The following KLK14 variants were observed in gnomAD, a reference collection of about 807,000 sequenced individuals.
KLK14 encodes kallikrein-14.
Under a neutral mutation model 24.6 loss-of-function variants are expected in KLK14, and 21 were observed. The observed-to-expected ratio is 0.85, with a 90% CI of 0.61 to 1.23. KLK14 has a LOEUF of 1.23. Ranked by LOEUF, KLK14 falls within the 50% of genes most tolerant of loss-of-function variation. The pLI is 0.00. For missense variants in KLK14, 320 were observed against 338.9 expected, an observed-to-expected ratio of 0.94 and a Z score of 0.44; for synonymous variants, 133 against 139.7, an observed-to-expected ratio of 0.95 and a Z score of 0.34.
Position 51,079,399 on chromosome 19 carries a change from C to G in KLK14, c.466+50G>C, listed in dbSNP as rs768082967. 3 of 1,530,862 alleles carry G rather than the reference C, an allele frequency of 2.0e-6. No individual in the cohort carries two copies. The Admixed American group carries it at 5.8e-5, about 30-fold the overall frequency. 94.8% of individuals were successfully genotyped at this position (1,530,862 alleles called of 1,614,324 possible). ...CCCCCCAGCTCCACCTCCTGGAGACCCAGGAGCCCAGGCCCAGTCCCCTGC... is the reference window on the plus strand; with the variant it reads ...CCCCCCAGCTCCACCTCCTGGAGACGCAGGAGCCCAGGCCCAGTCCCCTGC... On this transcript the variant is annotated intron_variant, in intron 4 of 5. Transcript: ENST00000650543.
At chr19:51,079,769 C>G (rs1046224813) in intron 3 of KLK14, 67 bp from the exon 4 acceptor site, 3 of 1,494,840 alleles carry the variant, frequency 2.0e-6, no homozygotes, top group Non-Finnish European at 2.7e-6. Context: ...CACCCTCCAG[C>G]CCGGTTCCCT....
At position 51,079,590 on chromosome 19, in the gene KLK14, C is replaced by T. The variant is rs1024820222; in HGVS notation, c.325G>A (p.Asp109Asn). The T allele has an allele frequency of 6.8e-6, 11 of 1,613,796 alleles. No individual in the cohort carries two copies. The highest frequency in any genetic ancestry group is 2.2e-5 in the South Asian group (2 of 91,046). ...AGCTGCAGCAGCATGAGGTCGTTGT[C>T]GTGGGTCCGGGAGTTGTAGTTGGGG... is the stretch of plus-strand genomic sequence containing the variant. ...THPNYNSRTH[D>N]NDLMLLQLQQ... Residue 109 changes from aspartate (D) to asparagine (N), a missense_variant, in exon 4 of 6, where the codon GAC (aspartate) becomes AAC (asparagine). Coordinates refer to ENST00000650543, the MANE Select transcript of KLK14 (RefSeq NM_001369775.2).
At position 51,079,508 on chromosome 19, in the gene KLK14, C is replaced by T; in HGVS notation, c.407G>A (p.Cys136Tyr). The T allele has an allele frequency of 6.2e-7, 1 of 1,613,810 alleles. No homozygotes were observed. Among genetic ancestry groups the T allele is most frequent in the East Asian group, 2.2e-5 (1 of 44,878 alleles). ...TCGGCAGGAGGTCCCGGGGCTGGCA[C>T]AGGCCTGGGTGACCTCAATGGGCCT... is the stretch of plus-strand genomic sequence containing the variant. ...AVRPIEVTQA[C>Y]ASPGTSCRVS... is the part of the protein sequence containing the mutation. Residue 136 changes from cysteine to tyrosine, a missense_variant, in exon 4 of 6, where the codon TGT becomes TAT. Physicochemically the swap from Cys to Tyr is radical, Grantham distance 194 (BLOSUM62 -2). Coordinates refer to ENST00000650543, the MANE Select transcript of KLK14 (RefSeq NM_001369775.2).
chr19:51,083,147 T>A (rs2065852302), upstream of KLK14, among the ~76,000 whole-genome samples: 1 of 151,402 alleles, frequency 6.6e-6, no homozygotes, highest in African/African-American at 2.4e-5. Context: ...AGGGGAGGGT[T>A]CCCAGTTGCT....
chr19:51,083,222 G>A (rs145467889), upstream of KLK14, among the ~76,000 whole-genome samples: 1 of 151,094 alleles, frequency 6.6e-6, no homozygotes, highest in African/African-American at 2.4e-5. Context: ...GAAAGGGCAC[G>A]AAGGGGCTGA....
At chr19:51,081,450 G>A in intron 3 of KLK14, 82 bp downstream of exon 3, 1 of 1,298,648 alleles carries the variant, frequency 7.7e-7, no homozygotes. Context: ...GTTCTATACA[G>A]AGATCCAGGT....
Position 51,078,170 on chromosome 19 carries a change from G to A in KLK14, c.604-11C>T, listed in dbSNP as rs773910306. ...TCCCCCAGAGTCACCCTGAGGGGGA[G>A]GAACAGAAATGGAGACACTGATGGA... On this transcript the variant is annotated splice_polypyrimidine_tract_variant and intron_variant, in intron 5 of 5. Coordinates refer to ENST00000650543, the MANE Select transcript of KLK14 (RefSeq NM_001369775.2). The surrounding 1 kb of genome is among the most constrained non-coding windows in gnomAD (Gnocchi z 5.0). The A allele has an allele frequency of 6.2e-7, 1 of 1,612,584 alleles. No individual in the cohort carries two copies. The highest frequency in any genetic ancestry group is 1.1e-5 in the South Asian group (1 of 91,014).
At chr19:51,083,640 GACAGGGA>G (rs2091854383), upstream of KLK14, among the ~76,000 whole-genome samples, 1 of 151,996 alleles carries the variant, frequency 6.6e-6, no homozygotes, top group South Asian at 2.1e-4. Flanking sequence ...AGTTGGATGT[GACAGGGA>G]ACAGAAGAGG....
Position 51,082,841 on chromosome 19 carries a change from G to C in KLK14, c.-142C>G. On this transcript the variant is annotated 5_prime_UTR_variant, in exon 1 of 6. Transcript: ENST00000650543. ...GTGGGAGGATGTGGAGCAGGGCACA[G>C]GTCCCTCCTTGATGTCTTGATGAAG... is the stretch of plus-strand genomic sequence containing the variant. The C allele has an allele frequency of 7.2e-7, 1 of 1,390,702 alleles. No individual in the cohort carries two copies. Among genetic ancestry groups the C allele is most frequent in the Non-Finnish European group, 1.0e-6 (1 of 999,696 alleles). The allele number at this position is 1,390,702 out of a possible 1,614,324, so 86.1% of individuals were successfully genotyped here.
At chr19:51,081,455 C>T in intron 3 of KLK14, 77 bp downstream of exon 3, 1 of 1,322,880 alleles carries the variant, frequency 7.6e-7, no homozygotes, top group South Asian at 1.8e-5. Context: ...ATACAGAGAT[C>T]CAGGTTCTCA....
In KLK14 at chr19:51,078,335, C is replaced by G. The variant is rs1390783769; in HGVS notation, c.604-176G>C. Reference sequence around the variant, plus strand: ...CCCCGGAGGTCGGGGCACTTCCTTCCCTCTCCGCTGGGTCTGGCTCTGTCT... The same window carrying G: ...CCCCGGAGGTCGGGGCACTTCCTTCGCTCTCCGCTGGGTCTGGCTCTGTCT... On this transcript the variant is annotated intron_variant, in intron 5 of 5. Coordinates refer to ENST00000650543, the MANE Select transcript of KLK14 (RefSeq NM_001369775.2). The surrounding 1 kb of genome is among the most constrained non-coding windows in gnomAD (Gnocchi z 5.0). Among the ~76,000 whole-genome samples, 1 of 152,148 alleles carries G rather than the reference C, an allele frequency of 6.6e-6. No individual in the cohort carries two copies. The highest frequency in any genetic ancestry group is 6.5e-5 in the Admixed American group (1 of 15,286).
At chr19:51,080,675 T>G (rs921907245) in intron 3 of KLK14, among the ~76,000 whole-genome samples, 1 of 152,138 alleles carries the variant, frequency 6.6e-6, no homozygotes, top group Non-Finnish European at 1.5e-5. Context: ...TTCTGGGATT[T>G]ATTGATTGAT....
Position 51,078,043 on chromosome 19 carries a change from G to A in KLK14, c.720C>T (p.Tyr240=). 6.2e-7 allele frequency: 1 copy of A among 1,613,960 alleles called. No homozygotes were observed. The change falls in exon 6 of 6, where the codon TAC becomes TAT. Residue 240 remains tyrosine, a synonymous_variant. Transcript: ENST00000650543. The surrounding 1 kb of genome is among the most constrained non-coding windows in gnomAD (Gnocchi z 5.0). ...YPGVYTNLCK[Y]RSWIEETMRD... is the part of the protein sequence containing the mutation. ...GCATCGTTTCCTCAATCCAGCTTCT[G>A]TACTTGCACAGGTTGGTGTAGACAC...
Position 51,078,244 on chromosome 19 carries a change from G to A in KLK14, c.604-85C>T. On this transcript the variant is annotated intron_variant, in intron 5 of 5. Transcript: ENST00000650543. The surrounding 1 kb of genome is among the most constrained non-coding windows in gnomAD (Gnocchi z 5.0). ...ACAGAGAACCCGAGAAGCAGACACA[G>A]GGAGACAGGCAGAGACACTGGTGGA... is the stretch of plus-strand genomic sequence containing the variant. 7.1e-7 allele frequency: 1 copy of A among 1,414,778 alleles called. No homozygotes were observed. Among genetic ancestry groups the A allele is most frequent in the Non-Finnish European group, 9.7e-7 (1 of 1,034,080 alleles). 87.6% of individuals were successfully genotyped at this position (1,414,778 alleles called of 1,614,324 possible).
Position 51,079,652 on chromosome 19 carries a change from G to A in KLK14, c.263C>T (p.Thr88Ile), listed in dbSNP as rs2091827296. Residue 88 changes from threonine to isoleucine, a missense_variant, in exon 4 of 6, where the codon ACC becomes ATC. Thr to Ile is a moderately conservative substitution (Grantham distance 89). Transcript: ENST00000650543. ...ACGAACCACGCGCAGCACCTGCTGGGTGGCCTCCCACCTCCTCAGGTTGTG... is the reference window on the plus strand; with the variant it reads ...ACGAACCACGCGCAGCACCTGCTGGATGGCCTCCCACCTCCTCAGGTTGTG... ...GKHNLRRWEA[T>I]QQVLRVVRQV... 6.3e-7 allele frequency: 1 copy of A among 1,595,952 alleles called. No homozygotes were observed. The highest frequency in any genetic ancestry group is 8.5e-7 in the Non-Finnish European group (1 of 1,171,014).
chr19:51,083,004 G>A, upstream of KLK14: 1 of 567,456 alleles, frequency 1.8e-6, no homozygotes, highest in East Asian at 2.9e-5. Context: ...TCCCATTCCA[G>A]GACTCCCTGA....
intron 2 of KLK14, among the ~76,000 whole-genome samples, chr19:51,082,364 A>G (rs2091845526): frequency 6.6e-6 from 1 of 152,040 alleles, no homozygotes. Context: ...CAGACCTTAT[A>G]AACACCTCTC....
downstream of KLK14, among the ~76,000 whole-genome samples, chr19:51,077,720 C>T (rs1447775685): frequency 8.1e-6 from 1 of 124,192 alleles, no homozygotes; most frequent in African/African-American, 3.3e-5. Context: ...GGGGCCTGGA[C>T]TCCTGGGTCT....
rs541191047 is a variant in KLK14 at position 51,078,867 on chromosome 19, G to A, written c.551C>T (p.Thr184Met). Reference protein sequence around the residue: ...VCQKAYPRTITPGMVCAGVPQ... With the variant: ...VCQKAYPRTIMPGMVCAGVPQ... ...AACTCCTGCACAGACCATGCCAGGC[G>A]TGATGGTTCTAGGATAGGCCTTCTG... Residue 184 changes from threonine (T) to methionine (M), a missense_variant, in exon 5 of 6, where the codon ACG becomes ATG. Coordinates refer to ENST00000650543, the MANE Select transcript of KLK14 (RefSeq NM_001369775.2). The surrounding 1 kb of genome is among the most constrained non-coding windows in gnomAD (Gnocchi z 5.0). 27 of 1,614,090 alleles carry A rather than the reference G, an allele frequency of 1.7e-5. No homozygotes were observed. The highest frequency in any genetic ancestry group is 1.3e-4 in the East Asian group (6 of 44,888).
Sources: gnomAD v4.1 joint callset for allele counts (sites outside exome capture counted in the v4.1 genomes callset) on GRCh38, gnomAD v4.1.1 for gene constraint, Gnocchi (gnomAD v3.1) non-coding constraint, MANE v1.5 for transcripts, NCBI Gene and HGNC (gene_info 2026-07-23, HGNC 2026-07-21) for gene names.